The following C6orf132 variants were observed in gnomAD, a reference collection of about 807,000 sequenced individuals.
The protein encoded by C6orf132 is uncharacterized protein C6orf132.
Under a neutral mutation model 65.3 loss-of-function variants are expected in C6orf132, and 43 were observed. The ratio of observed to expected loss-of-function variants is 0.66; its 90% confidence interval spans 0.52 to 0.85. The LOEUF (loss-of-function observed/expected upper bound fraction) is 0.85, where lower values mean the gene tolerates loss of function less well. C6orf132 is among the 40% of genes least tolerant of loss of function. The pLI is 0.00. For missense variants in C6orf132, 1,488 were observed against 1,548.8 expected (o/e 0.96, Z 0.66); for synonymous variants, 631 against 654.1 (o/e 0.96, Z 0.54).
At position 42,142,368 on chromosome 6, in the gene C6orf132, G is replaced by A. The variant is rs747876608; in HGVS notation, c.77C>T (p.Ser26Phe). ...CCAGGGCGGATTGGTGGCGTAGAGG[G>A]AGGTGCTGGGGGTCGTGGTGTGCTT... The part of the protein sequence containing the change: ...GKKHTTTPST[S>F]LYATNPPWIF... The change falls in exon 1 of 5, where the codon TCC becomes TTC. Residue 26 changes from serine to phenylalanine, a missense_variant. By Grantham distance (155) the Ser-to-Phe change is radical. Transcript: ENST00000341865. 9.7e-6 allele frequency: 15 copies of A among 1,551,364 alleles called. No individual in the cohort carries two copies. Among genetic ancestry groups the A allele is most frequent in the Non-Finnish European group, 1.3e-5 (15 of 1,146,896 alleles).
At chr6:42,119,826 G>T (rs9471771) in intron 2 of C6orf132, among the ~76,000 whole-genome samples, 151,861 of 151,864 alleles carry the variant, frequency 1, 75,929 homozygotes, top group Non-Finnish European at 1. Flanking sequence ...CCAGGGGCGG[G>T]TGCTCATGCC....
chr6:42,119,439 G>A (rs1245734134), intron 2 of C6orf132, among the ~76,000 whole-genome samples: 2 of 141,190 alleles, frequency 1.4e-5, no homozygotes, highest in Admixed American at 1.5e-4. Context: ...CTGCCTCCCA[G>A]GTTCAAGCAA....
chr6:42,114,340 C>T (rs773840326), intron 2 of C6orf132, among the ~76,000 whole-genome samples: 2 of 152,186 alleles, frequency 1.3e-5, no homozygotes, highest in South Asian at 2.1e-4. Context: ...CCAGCCTCAT[C>T]CCTTCAGAAG....
intron 1 of C6orf132, among the ~76,000 whole-genome samples, chr6:42,140,708 C>T (rs993317391): frequency 6.6e-6 from 1 of 152,220 alleles, no homozygotes; most frequent in African/African-American, 2.4e-5. Context: ...ATTACTTAAC[C>T]TCCCTGTGCC....
intron 1 of C6orf132, among the ~76,000 whole-genome samples, chr6:42,140,413 G>A (rs1192719467): frequency 6.6e-6 from 1 of 152,250 alleles, no homozygotes; most frequent in East Asian, 1.9e-4. Flanking sequence ...GTGTGTATGT[G>A]TGTGGTATTT....
chr6:42,127,129 A>AT (rs1300431528), intron 2 of C6orf132, among the ~76,000 whole-genome samples: 2 of 151,930 alleles, frequency 1.3e-5, no homozygotes, highest in Non-Finnish European at 2.9e-5. Flanking sequence ...TAATTTTTAA[A>AT]TTTTTTGTAG....
Position 42,105,460 on chromosome 6 carries a change from G to T in C6orf132, c.2452C>A (p.Gln818Lys). 6.5e-7 allele frequency: 1 copy of T among 1,534,296 alleles called. No individual in the cohort carries two copies. Among genetic ancestry groups the T allele is most frequent in the Non-Finnish European group, 8.7e-7 (1 of 1,145,458 alleles). ...GLPAKPPASA[Q>K]PTDELLRHPV... ...TGCCTGAGGAGTTCATCAGTGGGCT[G>T]GGCCGAGGCAGGAGGCTTGGCTGGC... Residue 818 changes from glutamine to lysine, a missense_variant, in exon 4 of 5, where the codon CAG becomes AAG. By Grantham distance (53) the Gln-to-Lys change is moderately conservative (BLOSUM62 1). Coordinates refer to ENST00000341865, the MANE Select transcript of C6orf132 (RefSeq NM_001164446.3).
intron 2 of C6orf132, among the ~76,000 whole-genome samples, chr6:42,121,613 C>T (rs949024654): frequency 2.6e-5 from 4 of 152,196 alleles, no homozygotes; most frequent in African/African-American, 7.2e-5. Context: ...GGTGGGTCAC[C>T]AGGGGCTGGG....
At chr6:42,120,616 G>GT (rs1766666426) in intron 2 of C6orf132, among the ~76,000 whole-genome samples, 1 of 149,596 alleles carries the variant, frequency 6.7e-6, no homozygotes, top group Non-Finnish European at 1.5e-5. Flanking sequence ...ATAATAGTGT[G>GT]TTTTTTGGGG....
Position 42,106,804 on chromosome 6 carries a change from C to T in C6orf132, c.1108G>A (p.Ala370Thr), listed in dbSNP as rs1766417590. 6.5e-7 allele frequency: 1 copy of T among 1,534,810 alleles called. No homozygotes were observed. The highest frequency in any genetic ancestry group is 1.2e-5 in the South Asian group (1 of 83,948). ...TGGCCAAGCCTTGGGCTGGCTGGTG[C>T]TGTGGCCTTGAGCTCCCCAGGGCAG... ...PDCPGELKAT[A>T]PASPRLGQSQ... The change falls in exon 4 of 5, where the codon GCA (alanine) becomes ACA (threonine). Residue 370 changes from alanine (A) to threonine (T), a missense_variant. Coordinates refer to ENST00000341865, the MANE Select transcript of C6orf132 (RefSeq NM_001164446.3).
In C6orf132 at chr6:42,105,404, G is replaced by T; in HGVS notation, c.2508C>A (p.Gly836=). 1.3e-6 allele frequency: 2 copies of T among 1,535,606 alleles called. No homozygotes were observed. The highest frequency in any genetic ancestry group is 1.7e-6 in the Non-Finnish European group (2 of 1,146,290). ...HPVTGEVVER[G]SPMALLLAAR... is the part of the protein sequence containing the mutation. ...CCGCCAGGAGCAGGGCCATCGGCGAGCCCCGCTCCACCACCTCCCCAGTCA... is the reference window on the plus strand; with the variant it reads ...CCGCCAGGAGCAGGGCCATCGGCGATCCCCGCTCCACCACCTCCCCAGTCA... Residue 836 remains glycine, a synonymous_variant, in exon 4 of 5, where the codon GGC becomes GGA. Coordinates refer to ENST00000341865, the MANE Select transcript of C6orf132 (RefSeq NM_001164446.3).
chr6:42,107,581 T>C lies in C6orf132; in HGVS notation c.331A>G (p.Thr111Ala). Residue 111 changes from threonine (T) to alanine (A), a missense_variant and splice_region_variant, in exon 4 of 5, where the codon ACC becomes GCC. Physicochemically the swap from Thr to Ala is moderately conservative, Grantham distance 58. Transcript: ENST00000341865. ...AGGTTGCCATTGACTAGTGAGCTGGTACCTGAAAGAAGGAGAGGCAAAGAT... is the reference window on the plus strand; with the variant it reads ...AGGTTGCCATTGACTAGTGAGCTGGCACCTGAAAGAAGGAGAGGCAAAGAT... ...DDFADKEVTGTSSLVNGNLRL... is the reference protein window; with the variant it reads ...DDFADKEVTGASSLVNGNLRL... 5.8e-6 allele frequency: 9 copies of C among 1,550,638 alleles called. No individual in the cohort carries two copies. In the South Asian group the frequency reaches 8.3e-5, roughly 14 times the overall value.
Position 42,103,827 on chromosome 6 carries a change from C to T in C6orf132, c.3501G>A (p.Val1167=), listed in dbSNP as rs1232650373. The T allele has an allele frequency of 6.7e-7, 1 of 1,491,132 alleles. No individual in the cohort carries two copies. The highest frequency in any genetic ancestry group is 8.9e-7 in the Non-Finnish European group (1 of 1,122,950). 92.4% of individuals were successfully genotyped at this position (1,491,132 alleles called of 1,614,324 possible). ...AGATGGGATGGCGGGTCCCAGGCCTCACGGTGAACGTGTTGATGGGGCTTC... is the reference window on the plus strand; with the variant it reads ...AGATGGGATGGCGGGTCCCAGGCCTTACGGTGAACGTGTTGATGGGGCTTC... ...RYGSPINTFT[V]RPGTRHPISY... The change falls in exon 5 of 5, where the codon GTG becomes GTA. Residue 1167 remains valine (V), a synonymous_variant. Coordinates refer to ENST00000341865, the MANE Select transcript of C6orf132 (RefSeq NM_001164446.3).
rs527582015 is a variant in C6orf132, at chr6:42,142,427, C to T, written c.18G>A (p.Thr6=). The change falls in exon 1 of 5, where the codon ACG becomes ACA. Residue 6 remains threonine, a synonymous_variant. Coordinates refer to ENST00000341865, the MANE Select transcript of C6orf132 (RefSeq NM_001164446.3). MKKKQ[T]VQGTFSKLFG... The stretch of plus-strand genomic sequence containing the variant: ...AGAGTTTGCTGAAGGTGCCCTGCAC[C>T]GTCTGCTTCTTTTTCATGCTGCCGC... 6.4e-7 allele frequency: 1 copy of T among 1,551,176 alleles called. No homozygotes were observed. Among genetic ancestry groups the T allele is most frequent in the Admixed American group, 2.0e-5 (1 of 50,998 alleles).
intron 2 of C6orf132, chr6:42,126,726 C>T (rs1054967125): frequency 2.1e-5 from 7 of 338,470 alleles, no homozygotes; most frequent in Non-Finnish European, 3.2e-5. Flanking sequence ...ACCTGTAATC[C>T]CAGCTACTTG....
intron 1 of C6orf132, among the ~76,000 whole-genome samples, chr6:42,141,585 T>C (rs1268524503): frequency 6.6e-6 from 1 of 152,240 alleles, no homozygotes; most frequent in Non-Finnish European, 1.5e-5. Context: ...CAGCGGCAGC[T>C]GGCAGTCAGG....
chr6:42,113,794 C>T (rs564355472), intron 2 of C6orf132, among the ~76,000 whole-genome samples: 18 of 148,574 alleles, frequency 1.2e-4, no homozygotes, highest in Admixed American at 6.8e-4. Context: ...CCAGCCTGGG[C>T]GATAGAGCAA....
chr6:42,108,255 CAG>C (rs1766444474), intron 3 of C6orf132, among the ~76,000 whole-genome samples: 1 of 152,158 alleles, frequency 6.6e-6, no homozygotes, highest in Non-Finnish European at 1.5e-5. Flanking sequence ...TGCTGAGCCT[CAG>C]TTTCCTCATC....
At chr6:42,120,868 A>G (rs9381147) in intron 2 of C6orf132, among the ~76,000 whole-genome samples, 78,975 of 151,040 alleles carry the variant, frequency 0.52, 20,947 homozygotes, top group Middle Eastern at 0.7. Context: ...TGATCCTCCC[A>G]CCTCGGGCTC....
Sources: gnomAD v4.1 joint callset for allele counts (sites outside exome capture counted in the v4.1 genomes callset) on GRCh38, gnomAD v4.1.1 for gene constraint, MANE v1.5 for transcripts, NCBI Gene and HGNC (gene_info 2026-07-23, HGNC 2026-07-21) for gene names.